PARD3: variants seen among roughly 807,000 people sequenced by gnomAD.
PARD3 encodes the protein partitioning defective 3 homolog.
PARD3 carries 75 observed loss-of-function variants against 155.4 expected under a neutral mutation model. The ratio of observed to expected loss-of-function variants is 0.48; its 90% CI spans 0.40 to 0.58. The LOEUF (loss-of-function observed/expected upper bound fraction) is 0.58, where lower values mean the gene tolerates loss of function less well. Ranked by LOEUF, PARD3 falls within the 20% of genes least tolerant of loss-of-function variation. The pLI, the probability that PARD3 is intolerant of heterozygous loss-of-function variation, is 0.00. For missense variants in PARD3, 1,642 were observed against 1,721.7 expected (o/e 0.95, Z 0.82); for synonymous variants, 576 against 610.5 (o/e 0.94, Z 0.83).
At chr10:34,536,422 T>C (rs1357943249) in intron 2 of PARD3, among the ~76,000 whole-genome samples, 2 of 152,208 alleles carry the variant, frequency 1.3e-5, no homozygotes, top group African/African-American at 2.4e-5. Context: ...TGCTTTACAA[T>C]ACCAACATGT....
intron 22 of PARD3, among the ~76,000 whole-genome samples, chr10:34,159,929 G>A (rs1949194762): frequency 6.6e-6 from 1 of 152,216 alleles, no homozygotes; most frequent in African/African-American, 2.4e-5. Flanking sequence ...TGGACTCTAT[G>A]AGGAGGGCAG....
rs1185563398 is a variant in PARD3, at chr10:34,341,773, G to A, written c.2262C>T (p.Asp754=). ...ACCTGTCATCTTCTATAATGACAGT[G>A]TCATCTTGGGGCATATTCACTGTAG... ...LSPTVNMPQD[D]TVIIEDDRLP... Residue 754 remains aspartate (D), a synonymous_variant, in exon 16 of 25, where the codon GAC becomes GAT. Coordinates refer to ENST00000374788, the MANE Select transcript of PARD3 (RefSeq NM_001184785.2). The A allele has an allele frequency of 1.2e-6, 2 of 1,612,822 alleles. No homozygotes were observed. The highest frequency in any genetic ancestry group is 3.3e-5 in the Admixed American group (2 of 59,960).
At chr10:34,443,294 G>A (rs552544497) in intron 5 of PARD3, among the ~76,000 whole-genome samples, 1 of 152,244 alleles carries the variant, frequency 6.6e-6, no homozygotes, top group South Asian at 2.1e-4. Flanking sequence ...CAAGAATTTG[G>A]CTGTAAATTA....
In PARD3 at chr10:34,312,125, G is replaced by GTT. The variant is rs147495912; in HGVS notation, c.3065+4981_3065+4982insAA. 4 of 682,124 alleles carry GTT rather than the reference G, an allele frequency of 5.9e-6. No homozygotes were observed. In the African/African-American group the frequency reaches 7.4e-5, roughly 13 times the overall value. 42.3% of individuals were successfully genotyped at this position (682,124 alleles called of 1,614,324 possible). On this transcript the variant is annotated intron_variant, in intron 20 of 24. Coordinates refer to ENST00000374788, the MANE Select transcript of PARD3 (RefSeq NM_001184785.2). ...AAAGAAAGGAAAGAGAAAAAAACAC[G>GTT]TCTCTGCCTTTTCAAGCGTAATTTA...
intron 15 of PARD3, among the ~76,000 whole-genome samples, chr10:34,347,582 AATG>A (rs1837562046): frequency 6.6e-6 from 1 of 152,218 alleles, no homozygotes; most frequent in Admixed American, 6.5e-5. Context: ...TGCCACTGTG[AATG>A]ATATGTAACT....
chr10:34,807,008 C>T (rs969266956), intron 1 of PARD3, among the ~76,000 whole-genome samples: 1 of 152,230 alleles, frequency 6.6e-6, no homozygotes, highest in Non-Finnish European at 1.5e-5. Context: ...CCATTACGTG[C>T]ATCCTTGGGG....
chr10:34,630,876 G>A (rs984768828), intron 2 of PARD3, among the ~76,000 whole-genome samples: 27 of 151,128 alleles, frequency 1.8e-4, no homozygotes, highest in African/African-American at 6.1e-4. Flanking sequence ...GTGCAGTGGC[G>A]CAATCATATT....
At chr10:34,236,385 C>T (rs1953236111) in intron 22 of PARD3, among the ~76,000 whole-genome samples, 3 of 152,100 alleles carry the variant, frequency 2.0e-5, no homozygotes, top group African/African-American at 4.8e-5. Context: ...ACTTTAATAC[C>T]ACCTTTACTA....
Position 34,176,257 on chromosome 10 carries a change from A to T in PARD3, c.3420-44674T>A, listed in dbSNP as rs1458863749. Among the ~76,000 whole-genome samples, 6 of 152,234 alleles carry T rather than the reference A, an allele frequency of 3.9e-5. No homozygotes were observed. In the East Asian group the frequency reaches 1.2e-3, roughly 29 times the overall value. On this transcript the variant is annotated intron_variant, in intron 22 of 24. Coordinates refer to ENST00000374788, the MANE Select transcript of PARD3 (RefSeq NM_001184785.2). ...TTTAATTTTAATTTCAATTTTAAAA[A>T]TTGTCCTACAATAAAATGGCAGTCA...
At chr10:34,694,470 C>CTTTTTT (rs34628015) in intron 2 of PARD3, among the ~76,000 whole-genome samples, 2 of 101,898 alleles carry the variant, frequency 2.0e-5, no homozygotes, top group African/African-American at 7.9e-5. Context: ...AAAACTTCTG[C>CTTTTTT]TTTTTTTTTT....
At chr10:34,118,125 C>T (rs189127411) in intron 24 of PARD3, among the ~76,000 whole-genome samples, 1 of 152,230 alleles carries the variant, frequency 6.6e-6, no homozygotes, top group East Asian at 1.9e-4. Context: ...CTACAGCAGG[C>T]TAAAGAACCT....
chr10:34,686,141 GA>G (rs1248139313), intron 2 of PARD3, among the ~76,000 whole-genome samples: 2 of 152,092 alleles, frequency 1.3e-5, no homozygotes, highest in Non-Finnish European at 2.9e-5. Context: ...CCTTAAGTGT[GA>G]ACTACAATTG....
At chr10:34,446,185 A>G (rs2076729423) in intron 5 of PARD3, among the ~76,000 whole-genome samples, 1 of 152,224 alleles carries the variant, frequency 6.6e-6, no homozygotes, top group Admixed American at 6.5e-5. Context: ...GCTAGAGCAC[A>G]GAGCTAAGGT....
rs115739916 is a variant in PARD3, at chr10:34,590,702, G to A, written c.223-73543C>T. 3.7e-3 allele frequency among the ~76,000 whole-genome samples: 556 copies of A among 152,272 alleles called. 3 individuals carry two copies. Among genetic ancestry groups the A allele is most frequent in the African/African-American group, 0.013 (530 of 41,552 alleles). Reference sequence around the variant, plus strand: ...GATCACACTTAGGGCATCCTTCCTGGTGTATAAAGAATCCTTCCTGAAATG... The same window carrying A: ...GATCACACTTAGGGCATCCTTCCTGATGTATAAAGAATCCTTCCTGAAATG... On this transcript the variant is annotated intron_variant, in intron 2 of 24. Coordinates refer to ENST00000374788, the MANE Select transcript of PARD3 (RefSeq NM_001184785.2).
intron 4 of PARD3, among the ~76,000 whole-genome samples, chr10:34,460,899 A>G (rs2077609063): frequency 6.6e-6 from 1 of 152,226 alleles, no homozygotes; most frequent in Non-Finnish European, 1.5e-5. Flanking sequence ...TGGTATAGGT[A>G]TAATTAAATG....
rs189417285 is a variant in PARD3, at chr10:34,221,957, C to G, written c.3419+47700G>C. ...TTACATTTGCTTTAAAACTGACGTTCATCACAACAGTGTGAATACACTTAA... is the reference window on the plus strand; with the variant it reads ...TTACATTTGCTTTAAAACTGACGTTGATCACAACAGTGTGAATACACTTAA... On this transcript the variant is annotated intron_variant, in intron 22 of 24. Transcript: ENST00000374788. Among the ~76,000 whole-genome samples, 391 of 152,304 alleles carry G rather than the reference C, an allele frequency of 2.6e-3. 3 individuals are homozygous for G. Among genetic ancestry groups the G allele is most frequent in the Non-Finnish European group, 3.8e-3 (257 of 68,022 alleles).
chr10:34,399,459 CAAACCA>C (rs760027057), intron 6 of PARD3, 46 bp from the exon 7 acceptor site: 9 of 1,245,218 alleles, frequency 7.2e-6, no homozygotes, highest in Non-Finnish European at 1.1e-5. Flanking sequence ...GTACTGTAAA[CAAACCA>C]AAACCAAAAC....
At chr10:34,596,812 G>T (rs887442170) in intron 2 of PARD3, among the ~76,000 whole-genome samples, 1 of 152,128 alleles carries the variant, frequency 6.6e-6, no homozygotes, top group African/African-American at 2.4e-5. Flanking sequence ...CTCAGAGAGT[G>T]GCAGAGATTT....
At chr10:34,691,699 A>AG (rs1213566962) in intron 2 of PARD3, among the ~76,000 whole-genome samples, 4 of 152,242 alleles carry the variant, frequency 2.6e-5, no homozygotes, top group African/African-American at 9.6e-5. Flanking sequence ...CTACAGTACA[A>AG]GGCTACAGTA....
Sources: gnomAD v4.1 joint callset for allele counts (sites outside exome capture counted in the v4.1 genomes callset) on GRCh38, gnomAD v4.1.1 for gene constraint, MANE v1.5 for transcripts, NCBI Gene and HGNC (gene_info 2026-07-23, HGNC 2026-07-21) for gene names.